Variants in ZNF584 observed in about 807,000 individuals in gnomAD.
The protein encoded by ZNF584 is zinc finger protein 584.
Under a neutral mutation model 14.7 loss-of-function variants are expected in ZNF584, and 12 were observed. The observed-to-expected ratio is 0.82, with a 90% CI of 0.52 to 1.32. The LOEUF is 1.32. Ranked by LOEUF, ZNF584 falls within the 40% of genes most tolerant of loss-of-function variation. The probability of loss-of-function intolerance (pLI) is 0.00; values close to 1 mark genes in which losing one functional copy is unlikely to be tolerated. For synonymous variants in ZNF584, 204 were observed against 190.9 expected, an observed-to-expected ratio of 1.07 and a Z score of -0.57; for missense variants, 478 against 518.8, an observed-to-expected ratio of 0.92 and a Z score of 0.76.
chr19:58,412,746 T>C (rs1412837466), intron 2 of ZNF584, among the ~76,000 whole-genome samples: 1 of 152,246 alleles, frequency 6.6e-6, no homozygotes, highest in Non-Finnish European at 1.5e-5. Flanking sequence ...TTCAGTATTG[T>C]TAGTATTCAC....
At chr19:58,408,082 C>T (rs1238074927), upstream of ZNF584, 1 of 152,334 alleles carries the variant, frequency 6.6e-6, no homozygotes, top group Non-Finnish European at 1.5e-5. Context: ...CGCCTCTAAA[C>T]GAGGTCCCTC....
chr19:58,415,115 G>C (rs372838741), intron 2 of ZNF584, among the ~76,000 whole-genome samples: 1 of 151,892 alleles, frequency 6.6e-6, no homozygotes, highest in African/African-American at 2.4e-5. Context: ...GGATAGTCTT[G>C]ATCTCCTGAC....
chr19:58,407,435 T>C (rs777878986), upstream of ZNF584: 3 of 152,234 alleles, frequency 2.0e-5, no homozygotes, highest in Non-Finnish European at 4.4e-5. Context: ...GAGCTGAACG[T>C]GACCAGCTGT....
intron 2 of ZNF584, among the ~76,000 whole-genome samples, chr19:58,410,675 GTATATA>G (rs544171240): frequency 2.0e-5 from 1 of 48,890 alleles, no homozygotes; most frequent in Admixed American, 2.1e-4. Flanking sequence ...GTATATATGT[GTATATA>G]TATGTATATA....
Position 58,409,924 on chromosome 19 carries a change from C to A in ZNF584, c.19-17C>A. On this transcript the variant is annotated splice_polypyrimidine_tract_variant and intron_variant, in intron 1 of 3. Transcript: ENST00000306910. ...CCATATTTTGGTTGTTTTTTTCTGCCCATCATTGACCCCAAGGCTCAGTTG... is the reference window on the plus strand; with the variant it reads ...CCATATTTTGGTTGTTTTTTTCTGCACATCATTGACCCCAAGGCTCAGTTG... The A allele has an allele frequency of 2.5e-6, 4 of 1,613,814 alleles. No homozygotes were observed. The highest frequency in any genetic ancestry group is 3.4e-6 in the Non-Finnish European group (4 of 1,179,922).
intron 2 of ZNF584, among the ~76,000 whole-genome samples, chr19:58,411,801 G>A (rs1269312131): frequency 6.7e-6 from 1 of 149,878 alleles, no homozygotes; most frequent in Admixed American, 6.7e-5. Context: ...GCACCACCAC[G>A]CCCAGCTAAT....
chr19:58,415,515 C>A lies in ZNF584; in HGVS notation c.170-9C>A. 1 of 1,608,092 alleles carries A rather than the reference C, an allele frequency of 6.2e-7. No homozygotes were observed. Among genetic ancestry groups the A allele is most frequent in the South Asian group, 1.1e-5 (1 of 90,596 alleles). ...CCAGCCTGTTTCTTTTACTACCTGTCACCCGCAGGACTTGCACCTTCGAGA... is the reference window on the plus strand; with the variant it reads ...CCAGCCTGTTTCTTTTACTACCTGTAACCCGCAGGACTTGCACCTTCGAGA... On this transcript the variant is annotated splice_polypyrimidine_tract_variant and intron_variant, in intron 2 of 3. Transcript: ENST00000306910.
intron 2 of ZNF584, among the ~76,000 whole-genome samples, chr19:58,412,366 C>T (rs368635144): frequency 6.6e-5 from 10 of 151,562 alleles, no homozygotes; most frequent in African/African-American, 1.7e-4. Context: ...CCCGCCACCG[C>T]GCCCGGCTAA....
chr19:58,410,220 G>A (rs1304442177), intron 2 of ZNF584, 129 bp downstream of exon 2: 1 of 1,241,718 alleles, frequency 8.1e-7, no homozygotes, highest in Admixed American at 3.1e-5. Context: ...AGGTATTGTG[G>A]GTGGTGGGAC....
chr19:58,415,996 G>A, intron 3 of ZNF584: 1 of 1,576,860 alleles, frequency 6.3e-7, no homozygotes, highest in South Asian at 1.1e-5. Flanking sequence ...TACTATTTTG[G>A]AATCACATTT....
upstream of ZNF584, chr19:58,406,970 G>A (rs11671591): frequency 0.18 from 26,847 of 152,504 alleles, 2,619 homozygotes; most frequent in Non-Finnish European, 0.22. Context: ...GACATGTTAA[G>A]GAGAGGCAAA....
chr19:58,416,517 C>T (rs1258329095), intron 3 of ZNF584: 2 of 236,428 alleles, frequency 8.5e-6, no homozygotes, highest in Non-Finnish European at 1.6e-5. Flanking sequence ...ATCCTCCTGC[C>T]TCAGCCTCCC....
At position 58,417,528 on chromosome 19, in the gene ZNF584, C is replaced by T; in HGVS notation, c.1010C>T (p.Thr337Ile). Residue 337 changes from threonine to isoleucine, a missense_variant, in exon 4 of 4, where the codon ACC becomes ATC. By Grantham distance (89) the Thr-to-Ile change is moderately conservative. This residue lies in a region of ZNF584 where 283 missense variants were observed against 317.3 expected (regional missense o/e 0.89). Transcript: ENST00000306910. ...AAGCAATGTGGGAAAGGCTACGTGA[C>T]CCGTTCAGGCCTCTATCAGCACTGG... The part of the protein sequence containing the change: ...ECKQCGKGYV[T>I]RSGLYQHWKV... 2 of 1,614,198 alleles carry T rather than the reference C, an allele frequency of 1.2e-6. No homozygotes were observed. The highest frequency in any genetic ancestry group is 1.7e-6 in the Non-Finnish European group (2 of 1,180,040).
upstream of ZNF584, chr19:58,407,134 G>A (rs533569081): frequency 3.3e-5 from 5 of 151,842 alleles, no homozygotes; most frequent in East Asian, 7.8e-4. Context: ...ATTCACCAGG[G>A]GTAGATCTCT....
chr19:58,410,557 A>ATATATATATATATGTG (rs1340373210), intron 2 of ZNF584, among the ~76,000 whole-genome samples: 2 of 26,016 alleles, frequency 7.7e-5, no homozygotes, highest in African/African-American at 6.3e-4. Flanking sequence ...ATATATATAT[A>ATATATATATATATGTG]TGTGTATATA....
Position 58,417,740 on chromosome 19 carries a change from A to G in ZNF584, c.1222A>G (p.Arg408Gly), listed in dbSNP as rs2052664839. Residue 408 changes from arginine to glycine, a missense_variant, in exon 4 of 4, where the codon AGG becomes GGG. Physicochemically the swap from Arg to Gly is moderately radical, Grantham distance 125. Around this residue, in one of 3 missense-constraint regions of ZNF584, gnomAD observed 283 missense variants for 317.3 expected, o/e 0.89. Coordinates refer to ENST00000306910, the MANE Select transcript of ZNF584 (RefSeq NM_173548.3). Reference sequence around the variant, plus strand: ...GCACAAGAAAGTCCATACTCCAGAAAGGCGTCAGGAGGACAGGGCACATGG... The same window carrying G: ...GCACAAGAAAGTCCATACTCCAGAAGGGCGTCAGGAGGACAGGGCACATGG... ...LQHKKVHTPE[R>G]RQEDRAHGKV... 1 of 1,613,600 alleles carries G rather than the reference A, an allele frequency of 6.2e-7. No homozygotes were observed. The highest frequency in any genetic ancestry group is 1.7e-5 in the Admixed American group (1 of 60,000).
At chr19:58,404,242 CT>C (rs58552279), upstream of ZNF584, 16 of 142,852 alleles carry the variant, frequency 1.1e-4, no homozygotes, top group South Asian at 2.2e-4. Flanking sequence ...TTTTTTTTTT[CT>C]TTTTTTTTTA....
intron 3 of ZNF584, 190 bp downstream of exon 3, chr19:58,415,836 C>G: frequency 6.2e-7 from 1 of 1,601,472 alleles, no homozygotes. Flanking sequence ...ATGTTCCTGC[C>G]TCTCTGGCCT....
At chr19:58,401,810 A>G (rs2052432783) in intron 1 of ZNF584, 3 of 142,466 alleles carry the variant, frequency 2.1e-5, no homozygotes, top group South Asian at 4.5e-4. Flanking sequence ...TACAGATCAT[A>G]TAGTTATGAA....
Sources: gnomAD v4.1 joint callset for allele counts (sites outside exome capture counted in the v4.1 genomes callset) on GRCh38, gnomAD v4.1.1 for gene constraint, gnomAD v4.1.1 regional missense constraint, MANE v1.5 for transcripts, NCBI Gene and HGNC (gene_info 2026-07-23, HGNC 2026-07-21) for gene names.